The following TMLHE variants were observed in gnomAD, a reference collection of about 807,000 sequenced individuals.
TMLHE encodes the protein trimethyllysine hydroxylase, epsilon.
TMLHE carries 18 observed loss-of-function variants against 25.7 expected under a neutral mutation model. The ratio of observed to expected loss-of-function variants is 0.70; its 90% confidence interval spans 0.48 to 1.04. TMLHE has a LOEUF of 1.04. TMLHE is among the 50% of genes least tolerant of loss of function. TMLHE has a pLI of 0.00. For missense variants in TMLHE, 236 were observed against 259.0 expected (o/e 0.91, Z 0.61); for synonymous variants, 105 against 97.0 (o/e 1.08, Z -0.49).
chrX:155,590,872 A>G (rs1211905924), intron 1 of TMLHE, among the ~76,000 whole-genome samples: 2 of 111,627 alleles, frequency 1.8e-5, no homozygotes, highest in African/African-American at 6.5e-5. Flanking sequence ...CAGTTACATT[A>G]AGTATAAAAT....
At chrX:155,505,360 T>C (rs946386289) in intron 6 of TMLHE, among the ~76,000 whole-genome samples, 16 of 111,822 alleles carry the variant, frequency 1.4e-4, no homozygotes. Context: ...AGGGAGAGTT[T>C]CCCAGAGGAA....
intron 2 of TMLHE, among the ~76,000 whole-genome samples, chrX:155,540,477 C>G (rs1557338059): frequency 9.2e-6 from 1 of 109,261 alleles, no homozygotes; most frequent in Non-Finnish European, 1.9e-5. Context: ...TTAAGACTTC[C>G]CAGATAAACA....
intron 1 of TMLHE, among the ~76,000 whole-genome samples, chrX:155,593,973 A>G (rs1226303956): frequency 9.0e-6 from 1 of 111,529 alleles, no homozygotes; most frequent in East Asian, 2.8e-4. Flanking sequence ...TTTGCATAAT[A>G]ATAATACATG....
chrX:155,524,595 G>A lies in TMLHE; in HGVS notation c.219C>T (p.Tyr73=), dbSNP rs782556079. The A allele has an allele frequency of 2.5e-5, 30 of 1,203,589 alleles. No individual in the cohort carries two copies. Among genetic ancestry groups the A allele is most frequent in the South Asian group, 3.6e-5 (2 of 54,838 alleles). Reference sequence around the variant, plus strand: ...AGCGGCAGTGGTCTCGAAGCCAGACGTAATCAAAGCGCATCACGGTATTAG... The same window carrying A: ...AGCGGCAGTGGTCTCGAAGCCAGACATAATCAAAGCGCATCACGGTATTAG... ...KYANTVMRFD[Y]VWLRDHCRSA... Residue 73 remains tyrosine (Y), a synonymous_variant, in exon 3 of 8, where the codon TAC becomes TAT. Transcript: ENST00000334398.
rs1290364471 is a variant in TMLHE at position 155,571,991 on chromosome X, T to C, written c.-1-26714A>G. 1.1e-4 allele frequency among the ~76,000 whole-genome samples: 6 copies of C among 54,296 alleles called. 2 individuals carry two copies. The highest frequency in any genetic ancestry group is 2.2e-4 in the African/African-American group (5 of 22,285). 47.1% of individuals were successfully genotyped at this position (54,296 alleles called of 115,157 possible). On this transcript the variant is annotated intron_variant, in intron 1 of 7. Coordinates refer to ENST00000334398, the MANE Select transcript of TMLHE (RefSeq NM_018196.4). ...TGTTGTAAGTTCTGGCCAGGGCAAT[T>C]AAGCAGGAGAAGGAAATAAAGGCTA...
chrX:155,561,466 A>G (rs2067496209), intron 1 of TMLHE, among the ~76,000 whole-genome samples: 1 of 61,020 alleles, frequency 1.6e-5, no homozygotes, highest in South Asian at 9.9e-4. Flanking sequence ...GGGTGGGGAC[A>G]TACAGCCAAA....
intron 1 of TMLHE, among the ~76,000 whole-genome samples, chrX:155,554,300 T>G (rs2067434102): frequency 9.0e-6 from 1 of 111,230 alleles, no homozygotes; most frequent in Non-Finnish European, 1.9e-5. Context: ...TGCCTGAAGA[T>G]CCTTAATATT....
At chrX:155,582,875 A>G (rs1603085237) in intron 1 of TMLHE, among the ~76,000 whole-genome samples, 1 of 112,519 alleles carries the variant, frequency 8.9e-6, no homozygotes, top group African/African-American at 3.2e-5. Flanking sequence ...ATGCACATGT[A>G]TGTTTATTGC....
At chrX:155,560,040 T>C (rs181546110) in intron 1 of TMLHE, among the ~76,000 whole-genome samples, 1 of 112,549 alleles carries the variant, frequency 8.9e-6, no homozygotes, top group African/African-American at 3.2e-5. Flanking sequence ...AAAACATGTA[T>C]GACAATCATT....
At position 155,506,891 on chromosome X, in the gene TMLHE, T is replaced by C; in HGVS notation, c.995+7A>G. On this transcript the variant is annotated splice_region_variant and intron_variant, in intron 6 of 7. Coordinates refer to ENST00000334398, the MANE Select transcript of TMLHE (RefSeq NM_018196.4). ...ATTACAGTTGGGGATAGTTCTTTGA[T>C]ACTCACCTGATCAAATACAGCTCTT... 8.4e-7 allele frequency: 1 copy of C among 1,195,560 alleles called. No individual in the cohort carries two copies. The highest frequency in any genetic ancestry group is 3.0e-5 in the East Asian group (1 of 33,756).
At chrX:155,510,592 T>G (rs1217261960) in intron 5 of TMLHE, among the ~76,000 whole-genome samples, 2 of 109,853 alleles carry the variant, frequency 1.8e-5, no homozygotes, top group African/African-American at 3.3e-5. Context: ...TCATTTTTTA[T>G]GGCTGCATAG....
intron 1 of TMLHE, among the ~76,000 whole-genome samples, chrX:155,605,204 T>A (rs782097994): frequency 4.2e-4 from 47 of 112,191 alleles, no homozygotes; most frequent in Non-Finnish European, 1.9e-4. Flanking sequence ...GAAATGGCCA[T>A]TTTAAGAAAG....
At chrX:155,529,051 T>C (rs1420393969) in intron 2 of TMLHE, among the ~76,000 whole-genome samples, 1 of 112,441 alleles carries the variant, frequency 8.9e-6, no homozygotes, top group Non-Finnish European at 1.9e-5. Flanking sequence ...AAAACTGCTA[T>C]ACCTGTACCT....
chrX:155,570,616 C>T (rs1295391087), intron 1 of TMLHE, among the ~76,000 whole-genome samples: 1 of 56,998 alleles, frequency 1.8e-5, no homozygotes, highest in African/African-American at 4.2e-5. Context: ...TGTAAAACAA[C>T]AGAAATTATA....
At chrX:155,560,955 G>C (rs782479442) in intron 1 of TMLHE, among the ~76,000 whole-genome samples, 2 of 61,520 alleles carry the variant, frequency 3.3e-5, no homozygotes, top group Non-Finnish European at 4.5e-5. Flanking sequence ...AGGGATACCT[G>C]TTAGTAGGCT....
chrX:155,595,683 C>G (rs1351040979), intron 1 of TMLHE, among the ~76,000 whole-genome samples: 1 of 111,921 alleles, frequency 8.9e-6, no homozygotes, highest in African/African-American at 3.2e-5. Context: ...TTGTGAAATA[C>G]CTTTTTATCT....
chrX:155,512,302 T>A (rs781932087), intron 4 of TMLHE, among the ~76,000 whole-genome samples: 3 of 105,644 alleles, frequency 2.8e-5, no homozygotes, highest in Non-Finnish European at 3.9e-5. Flanking sequence ...TATCTCCCAA[T>A]GCTATCCCTC....
intron 1 of TMLHE, among the ~76,000 whole-genome samples, chrX:155,560,572 A>ATATCTACAACTATCTGATCTTTGAC (rs1569562160): frequency 8.0e-5 from 3 of 37,297 alleles, no homozygotes; most frequent in African/African-American, 1.3e-4. Context: ...ACATTTGATC[A>ATATCTACAACTATCTGATCTTTGAC]AAGGAGGAGT....
chrX:155,553,290 A>G, intron 1 of TMLHE, among the ~76,000 whole-genome samples: 1 of 109,232 alleles, frequency 9.2e-6, no homozygotes, highest in South Asian at 3.9e-4. Context: ...ATATTTTAAG[A>G]TCTCTGATTA....
Sources: gnomAD v4.1 joint callset for allele counts (sites outside exome capture counted in the v4.1 genomes callset) on GRCh38, gnomAD v4.1.1 for gene constraint, MANE v1.5 for transcripts, NCBI Gene and HGNC (gene_info 2026-07-23, HGNC 2026-07-21) for gene names.